The following AASDH variants were observed in gnomAD, a reference collection of about 807,000 sequenced individuals.
The protein encoded by AASDH is aminoadipate-semialdehyde dehydrogenase, also known as beta-alanine-activating enzyme.
In AASDH, 81 loss-of-function variants were observed where a neutral mutation model predicts 102.3. The observed-to-expected ratio is 0.79, with a 90% CI of 0.66 to 0.95. AASDH has a LOEUF of 0.95. AASDH is among the 40% of genes least tolerant of loss of function. The probability of loss-of-function intolerance (pLI) is 0.00; values close to 1 mark genes in which losing one functional copy is unlikely to be tolerated. For synonymous variants in AASDH, 398 were observed against 454.0 expected, an observed-to-expected ratio of 0.88 and a Z score of 1.57; for missense variants, 1,203 against 1,266.2, an observed-to-expected ratio of 0.95 and a Z score of 0.76.
intron 14 of AASDH, among the ~76,000 whole-genome samples, chr4:56,342,414 AATAGGT>A (rs1424039060): frequency 6.6e-6 from 1 of 152,134 alleles, no homozygotes; most frequent in Non-Finnish European, 1.5e-5. Context: ...ATACCCCATA[AATAGGT>A]ACAAATGTCT....
intron 1 of AASDH, among the ~76,000 whole-genome samples, chr4:56,385,467 A>T (rs1753440067): frequency 6.6e-6 from 1 of 152,240 alleles, no homozygotes; most frequent in South Asian, 2.1e-4. Flanking sequence ...ATTTCAAGAA[A>T]GAAACACTCG....
chr4:56,371,312 T>G, intron 5 of AASDH, 139 bp downstream of exon 5: 1 of 830,532 alleles, frequency 1.2e-6, no homozygotes, highest in South Asian at 2.2e-5. Context: ...AAAAGTCACA[T>G]CCTGAGGAGA....
At chr4:56,349,109 G>T in intron 11 of AASDH, 154 bp downstream of exon 11, 1 of 779,968 alleles carries the variant, frequency 1.3e-6, no homozygotes, top group Non-Finnish European at 2.0e-6. Context: ...TGACCCCAAG[G>T]CCCACAATAT....
intron 5 of AASDH, 55 bp downstream of exon 5, chr4:56,371,396 A>G: frequency 6.7e-7 from 1 of 1,502,150 alleles, no homozygotes; most frequent in South Asian, 1.2e-5. Context: ...ATTCTCTAAA[A>G]CACTTAAAAT....
chr4:56,366,529 A>G (rs560965863), intron 5 of AASDH, among the ~76,000 whole-genome samples: 2 of 152,310 alleles, frequency 1.3e-5, no homozygotes, highest in South Asian at 4.1e-4. Context: ...ACCATGATCA[A>G]GTGGGCTTCA....
At chr4:56,366,091 C>T (rs764077056) in intron 5 of AASDH, among the ~76,000 whole-genome samples, 172 of 152,194 alleles carry the variant, frequency 1.1e-3, no homozygotes, top group Non-Finnish European at 1.9e-3. Context: ...ACTATAAACA[C>T]CTCTATGCAA....
chr4:56,373,338 C>T (rs1382988412), intron 4 of AASDH, among the ~76,000 whole-genome samples: 1 of 152,006 alleles, frequency 6.6e-6, no homozygotes, highest in Non-Finnish European at 1.5e-5. Context: ...GACTGGGTTT[C>T]AACCATGTTG....
At chr4:56,368,073 C>T (rs1352109699) in intron 5 of AASDH, among the ~76,000 whole-genome samples, 1 of 152,200 alleles carries the variant, frequency 6.6e-6, no homozygotes, top group East Asian at 1.9e-4. Flanking sequence ...TGAACAGACA[C>T]TTCTCAAAAG....
chr4:56,371,687 A>T, intron 4 of AASDH, 44 bp from the exon 5 acceptor site: 3 of 1,519,134 alleles, frequency 2.0e-6, no homozygotes, highest in Non-Finnish European at 1.8e-6. Flanking sequence ...TCAAACATTC[A>T]GTAAGCACAT....
At chr4:56,359,323 C>CTG (rs1750016239) in intron 5 of AASDH, among the ~76,000 whole-genome samples, 3 of 147,466 alleles carry the variant, frequency 2.0e-5, no homozygotes, top group South Asian at 4.3e-4. Flanking sequence ...ACCACAACAT[C>CTG]CGCCTCCTGC....
intron 5 of AASDH, among the ~76,000 whole-genome samples, chr4:56,369,980 ATAAT>A (rs1385187015): frequency 4.0e-5 from 6 of 151,860 alleles, no homozygotes; most frequent in Non-Finnish European, 7.4e-5. Flanking sequence ...ATGGAAACTA[ATAAT>A]TAAGATGCAC....
At chr4:56,363,723 C>T (rs1335404368) in intron 5 of AASDH, among the ~76,000 whole-genome samples, 3 of 152,128 alleles carry the variant, frequency 2.0e-5, no homozygotes, top group African/African-American at 4.8e-5. Context: ...CCCATCTGTA[C>T]GTCACCATCA....
At chr4:56,344,819 G>A (rs1220523370) in intron 12 of AASDH, among the ~76,000 whole-genome samples, 1 of 151,996 alleles carries the variant, frequency 6.6e-6, no homozygotes, top group Non-Finnish European at 1.5e-5. Flanking sequence ...ACAAGCTTGG[G>A]AAATAGTTAA....
chr4:56,378,840 T>C (rs2109997919), intron 3 of AASDH, among the ~76,000 whole-genome samples: 1 of 150,894 alleles, frequency 6.6e-6, no homozygotes, highest in East Asian at 2.0e-4. Context: ...AGGGTCTCAC[T>C]CTGTTGCCCA....
At chr4:56,379,424 T>C (rs914475033) in intron 3 of AASDH, among the ~76,000 whole-genome samples, 1 of 152,118 alleles carries the variant, frequency 6.6e-6, no homozygotes, top group African/African-American at 2.4e-5. Flanking sequence ...GGGCCCCAAA[T>C]ATTTTCAGTC....
At chr4:56,370,912 A>T (rs1751620068) in intron 5 of AASDH, among the ~76,000 whole-genome samples, 1 of 152,200 alleles carries the variant, frequency 6.6e-6, no homozygotes, top group Non-Finnish European at 1.5e-5. Flanking sequence ...AGCTACTTAC[A>T]ATGTAGTAAC....
At chr4:56,339,467 T>C (rs984161556) in intron 14 of AASDH, among the ~76,000 whole-genome samples, 1 of 152,080 alleles carries the variant, frequency 6.6e-6, no homozygotes, top group African/African-American at 2.4e-5. Flanking sequence ...TATTAAAAAC[T>C]GGGCCAGGCG....
At chr4:56,350,798 CTATTT>C (rs1285323004) in intron 10 of AASDH, among the ~76,000 whole-genome samples, 7 of 152,140 alleles carry the variant, frequency 4.6e-5, no homozygotes, top group Admixed American at 4.6e-4. Context: ...TAGATACCCT[CTATTT>C]TTAGACAAGG....
At position 56,351,394 on chromosome 4, in the gene AASDH, T is replaced by C. The variant is rs1384214867; in HGVS notation, c.1640A>G (p.Asn547Ser). Residue 547 changes from asparagine to serine, a missense_variant, in exon 10 of 15, where the codon AAT becomes AGT. Physicochemically the swap from Asn to Ser is conservative, Grantham distance 46. Coordinates refer to ENST00000205214, the MANE Select transcript of AASDH (RefSeq NM_181806.4). Reference sequence around the variant, plus strand: ...AAGGTCCTCTTTCCCACTGAGCTTATTCTCAGACTTCAAGTTTATGTAGTT... The same window carrying C: ...AAGGTCCTCTTTCCCACTGAGCTTACTCTCAGACTTCAAGTTTATGTAGTT... ...YLNYINLKSE[N>S]KLSGKEDLWE... 3 of 1,605,312 alleles carry C rather than the reference T, an allele frequency of 1.9e-6. No homozygotes were observed. Among genetic ancestry groups the C allele is most frequent in the Non-Finnish European group, 2.6e-6 (3 of 1,173,952 alleles).
Sources: gnomAD v4.1 joint callset for allele counts (sites outside exome capture counted in the v4.1 genomes callset) on GRCh38, gnomAD v4.1.1 for gene constraint, MANE v1.5 for transcripts, NCBI Gene and HGNC (gene_info 2026-07-23, HGNC 2026-07-21) for gene names.